TRDN: variants seen among roughly 807,000 people sequenced by gnomAD.
The protein encoded by TRDN is triadin in skeletal muscle.
Under a neutral mutation model 149.7 loss-of-function variants are expected in TRDN, and 161 were observed. The ratio of observed to expected loss-of-function variants is 1.08; its 90% confidence interval spans 0.95 to 1.23. TRDN has a LOEUF of 1.23. TRDN is among the 50% of genes most tolerant of loss of function. The pLI is 0.00. For synonymous variants in TRDN, 294 were observed against 250.5 expected, an observed-to-expected ratio of 1.17 and a Z score of -1.64; for missense variants, 896 against 823.5, an observed-to-expected ratio of 1.09 and a Z score of -1.08.
chr6:123,488,010 A>T (rs1778047474), intron 9 of TRDN, among the ~76,000 whole-genome samples: 1 of 152,046 alleles, frequency 6.6e-6, no homozygotes, highest in Non-Finnish European at 1.5e-5. Context: ...TACTCATTTC[A>T]CTTGCTCCAG....
chr6:123,299,964 A>T (rs1778344235), intron 24 of TRDN, among the ~76,000 whole-genome samples: 1 of 152,032 alleles, frequency 6.6e-6, no homozygotes, highest in Admixed American at 6.6e-5. Flanking sequence ...TGTCAGAGTA[A>T]CTTACAAATT....
chr6:123,455,329 T>C (rs1776044369), intron 10 of TRDN, among the ~76,000 whole-genome samples: 1 of 151,860 alleles, frequency 6.6e-6, no homozygotes, highest in Admixed American at 6.6e-5. Flanking sequence ...TTAAAATGGG[T>C]TGTGTTTATA....
At chr6:123,296,672 T>C (rs1778210537) in intron 24 of TRDN, among the ~76,000 whole-genome samples, 1 of 74,832 alleles carries the variant, frequency 1.3e-5, no homozygotes, top group Non-Finnish European at 3.0e-5. Flanking sequence ...GGTATTCTCA[T>C]ATAAGGCAGT....
At chr6:123,295,336 G>A (rs1001701067) in intron 24 of TRDN, among the ~76,000 whole-genome samples, 1 of 152,152 alleles carries the variant, frequency 6.6e-6, no homozygotes, top group African/African-American at 2.4e-5. Context: ...GACTAGCGCT[G>A]CTCTGCAGGA....
chr6:123,288,500 G>A (rs772172474), intron 24 of TRDN, among the ~76,000 whole-genome samples: 21 of 151,974 alleles, frequency 1.4e-4, no homozygotes, highest in Non-Finnish European at 2.4e-4. Context: ...AGGGCTAAAA[G>A]CAAAGAGATT....
chr6:123,565,070 A>G (rs1031570827), intron 2 of TRDN, among the ~76,000 whole-genome samples: 3 of 152,170 alleles, frequency 2.0e-5, no homozygotes, highest in African/African-American at 4.8e-5. Flanking sequence ...ATTTGTTTGC[A>G]CTTCTGATTG....
chr6:123,311,299 G>GAAATCGCCCCCATGATC (rs1778808624), intron 24 of TRDN, among the ~76,000 whole-genome samples: 1 of 151,822 alleles, frequency 6.6e-6, no homozygotes, highest in South Asian at 2.1e-4. Flanking sequence ...TAGCATGGGG[G>GAAATCGCCCCCATGATC]AAATCGCCCC....
At chr6:123,622,602 C>G (rs1447259696) in intron 1 of TRDN, among the ~76,000 whole-genome samples, 1 of 152,042 alleles carries the variant, frequency 6.6e-6, no homozygotes, top group Non-Finnish European at 1.5e-5. Context: ...ATTATGATGA[C>G]TCATAGTATG....
intron 2 of TRDN, among the ~76,000 whole-genome samples, chr6:123,566,437 TAGG>T (rs1244397508): frequency 6.6e-6 from 1 of 151,988 alleles, no homozygotes; most frequent in Non-Finnish European, 1.5e-5. Flanking sequence ...ATTCTGAAAA[TAGG>T]GGGAATTGTA....
chr6:123,243,349 G>A (rs187626460), intron 38 of TRDN, among the ~76,000 whole-genome samples: 3 of 152,220 alleles, frequency 2.0e-5, no homozygotes, highest in Admixed American at 6.5e-5. Context: ...TGCATAGATA[G>A]CAACATAAGG....
intron 23 of TRDN, among the ~76,000 whole-genome samples, chr6:123,324,698 A>T (rs189521406): frequency 2.0e-5 from 3 of 152,266 alleles, no homozygotes; most frequent in Admixed American, 6.5e-5. Flanking sequence ...AGCTGTACAC[A>T]TGTTGCTGTA....
chr6:123,465,131 T>C, intron 9 of TRDN, 148 bp from the exon 10 acceptor site: 1 of 883,764 alleles, frequency 1.1e-6, no homozygotes, highest in Non-Finnish European at 1.6e-6. Flanking sequence ...AAGAAAGCTA[T>C]TATTAAGGGA....
chr6:123,233,457 G>A (rs781253216), intron 38 of TRDN, among the ~76,000 whole-genome samples: 18 of 152,004 alleles, frequency 1.2e-4, no homozygotes, highest in Admixed American at 2.6e-4. Flanking sequence ...GAATGTATGC[G>A]ACCCTTTCTT....
intron 2 of TRDN, among the ~76,000 whole-genome samples, chr6:123,548,899 A>G (rs529487323): frequency 7.2e-5 from 11 of 152,190 alleles, no homozygotes; most frequent in African/African-American, 2.4e-4. Flanking sequence ...TATTTATGTT[A>G]CCCAGAGTGC....
At chr6:123,516,795 T>G (rs548266989) in intron 5 of TRDN, among the ~76,000 whole-genome samples, 57 of 152,218 alleles carry the variant, frequency 3.7e-4, no homozygotes, top group African/African-American at 1.3e-3. Flanking sequence ...GTCATAATCT[T>G]ACCCCATACC....
At chr6:123,555,359 G>A (rs892952750) in intron 2 of TRDN, among the ~76,000 whole-genome samples, 4 of 152,038 alleles carry the variant, frequency 2.6e-5, no homozygotes, top group Non-Finnish European at 5.9e-5. Context: ...TGAAAGTAAA[G>A]ACAAAATTAG....
At chr6:123,372,251 G>A (rs1781352940) in intron 19 of TRDN, among the ~76,000 whole-genome samples, 1 of 151,982 alleles carries the variant, frequency 6.6e-6, no homozygotes, top group Non-Finnish European at 1.5e-5. Flanking sequence ...TAAATTCAAT[G>A]GGACTTTACT....
At chr6:123,232,105 C>T (rs374254181) in intron 38 of TRDN, among the ~76,000 whole-genome samples, 57 of 151,724 alleles carry the variant, frequency 3.8e-4, no homozygotes, top group African/African-American at 1.3e-3. Context: ...AACTGGATGG[C>T]CCCACTGAGG....
At chr6:123,545,998 A>G (rs1562378377) in intron 4 of TRDN, among the ~76,000 whole-genome samples, 1 of 152,142 alleles carries the variant, frequency 6.6e-6, no homozygotes, top group East Asian at 1.9e-4. Context: ...ATGAGCAAAC[A>G]TTATTTATCT....
Sources: gnomAD v4.1 joint callset for allele counts (sites outside exome capture counted in the v4.1 genomes callset) on GRCh38, gnomAD v4.1.1 for gene constraint, MANE v1.5 for transcripts, NCBI Gene and HGNC (gene_info 2026-07-23, HGNC 2026-07-21) for gene names.